The following TSPAN2 variants were observed in gnomAD, a reference collection of about 807,000 sequenced individuals.
TSPAN2 encodes the protein tetraspanin-2.
Under a neutral mutation model 33.3 loss-of-function variants are expected in TSPAN2, and 24 were observed. That is an observed-to-expected ratio of 0.72 (90% CI 0.52 to 1.01). The LOEUF is 1.01. Ranked by LOEUF, TSPAN2 falls within the 50% of genes least tolerant of loss-of-function variation. The pLI is 0.00. For synonymous variants in TSPAN2, 114 were observed against 104.5 expected, an observed-to-expected ratio of 1.09 and a Z score of -0.56; for missense variants, 278 against 281.3, an observed-to-expected ratio of 0.99 and a Z score of 0.08.
At position 115,072,848 on chromosome 1, in the gene TSPAN2, GT is replaced by G. The variant is rs1224335003; in HGVS notation, c.172+56del. The G allele has an allele frequency of 5.6e-6, 8 of 1,436,722 alleles. No homozygotes were observed. The African/African-American group carries it at 9.8e-5, about 18-fold the overall frequency. 89.0% of individuals were successfully genotyped at this position (1,436,722 alleles called of 1,614,324 possible). On this transcript the variant is annotated intron_variant, in intron 2 of 7. Coordinates refer to ENST00000369516, the MANE Select transcript of TSPAN2 (RefSeq NM_005725.6). ...AGTTCAAGTGCAGCTTCTGCTCTAA[GT>G]CTTTGCACAGCCCCATCTACTCTGA...
intron 1 of TSPAN2, 52 bp downstream of exon 1, chr1:115,089,312 G>GGCCCCCCCCCCGCCCCCCCCCC: frequency 7.2e-7 from 1 of 1,389,172 alleles, no homozygotes; most frequent in Non-Finnish European, 9.8e-7. Flanking sequence ...CCGGCCCCGC[G>GGCCCCCCCCCCGCCCCCCCCCC]CCCGCCACCC....
intron 1 of TSPAN2, 77 bp downstream of exon 1, chr1:115,089,287 A>T: frequency 7.5e-7 from 1 of 1,341,078 alleles, no homozygotes; most frequent in Non-Finnish European, 1.0e-6. Context: ...CGCCGCAGTC[A>T]GCAGCTCGGG....
chr1:115,079,591 G>A (rs1386280450), intron 1 of TSPAN2, among the ~76,000 whole-genome samples: 1 of 151,942 alleles, frequency 6.6e-6, no homozygotes, highest in Non-Finnish European at 1.5e-5. Flanking sequence ...CAAAATCAAG[G>A]GTTTTATCAG....
chr1:115,059,189 G>A (rs528617055), intron 4 of TSPAN2, among the ~76,000 whole-genome samples: 35 of 152,178 alleles, frequency 2.3e-4, no homozygotes, highest in African/African-American at 8.2e-4. Flanking sequence ...TACACTGCTC[G>A]GGTGATGGGT....
chr1:115,074,497 T>C (rs1481783481), intron 1 of TSPAN2, among the ~76,000 whole-genome samples: 2 of 151,994 alleles, frequency 1.3e-5, no homozygotes, highest in Non-Finnish European at 2.9e-5. Flanking sequence ...AAAGCACTAA[T>C]TGGATAATGT....
rs569844054 is a variant in TSPAN2, at chr1:115,049,672, G to C, written c.*818C>G. The C allele has an allele frequency of 1.0e-3, 159 of 152,622 alleles. 1 individual carries two copies. Among genetic ancestry groups the C allele is most frequent in the African/African-American group, 3.2e-3 (134 of 41,532 alleles). The allele number at this position is 152,622 out of a possible 1,614,324, so 9.5% of individuals were successfully genotyped here. ...GTGAGGGTTGCAGTAGTTTACAGCA[G>C]GGTCAGAAAATGAAAGTAATAAAGC... On this transcript the variant is annotated 3_prime_UTR_variant, in exon 8 of 8. Transcript: ENST00000369516.
intron 1 of TSPAN2, among the ~76,000 whole-genome samples, chr1:115,074,782 G>A (rs1648336452): frequency 6.6e-6 from 1 of 152,152 alleles, no homozygotes; most frequent in Admixed American, 6.5e-5. Context: ...GTCTTCTTGG[G>A]CCATGCTTTA....
At chr1:115,072,176 G>T (rs1265294355) in intron 2 of TSPAN2, among the ~76,000 whole-genome samples, 2 of 152,248 alleles carry the variant, frequency 1.3e-5, no homozygotes, top group South Asian at 2.1e-4. Context: ...ACAATGCTCA[G>T]CCCCTACTAA....
chr1:115,081,268 G>A (rs974611658), intron 1 of TSPAN2, among the ~76,000 whole-genome samples: 1 of 152,242 alleles, frequency 6.6e-6, no homozygotes, highest in African/African-American at 2.4e-5. Context: ...AGACTCTGGC[G>A]GGAGCAGGGA....
intron 1 of TSPAN2, among the ~76,000 whole-genome samples, chr1:115,074,785 A>G (rs1286364): frequency 0.33 from 50,163 of 151,996 alleles, 8,866 homozygotes; most frequent in African/African-American, 0.42. Flanking sequence ...TTCTTGGGCC[A>G]TGCTTTAACT....
chr1:115,080,447 T>G (rs1325820318), intron 1 of TSPAN2, among the ~76,000 whole-genome samples: 1 of 152,130 alleles, frequency 6.6e-6, no homozygotes, highest in African/African-American at 2.4e-5. Flanking sequence ...TATTTTTTTC[T>G]ATTTTTTGGT....
At chr1:115,076,240 T>C (rs1232790486) in intron 1 of TSPAN2, among the ~76,000 whole-genome samples, 1 of 152,132 alleles carries the variant, frequency 6.6e-6, no homozygotes, top group Non-Finnish European at 1.5e-5. Context: ...GTACAGAGGT[T>C]CATTTCCTTA....
At chr1:115,076,512 C>G (rs549529080) in intron 1 of TSPAN2, among the ~76,000 whole-genome samples, 1 of 152,246 alleles carries the variant, frequency 6.6e-6, no homozygotes, top group Non-Finnish European at 1.5e-5. Context: ...GACAGGACAC[C>G]AGGGGAGTGG....
intron 1 of TSPAN2, among the ~76,000 whole-genome samples, chr1:115,083,743 G>T (rs1294832130): frequency 6.6e-6 from 1 of 152,168 alleles, no homozygotes; most frequent in Non-Finnish European, 1.5e-5. Context: ...ACAGAAGTGG[G>T]AAAGGAAATA....
At chr1:115,071,187 T>A (rs1163884165) in intron 2 of TSPAN2, among the ~76,000 whole-genome samples, 1 of 152,166 alleles carries the variant, frequency 6.6e-6, no homozygotes, top group Admixed American at 6.5e-5. Flanking sequence ...TATCAATTAG[T>A]CAGAGATCCA....
intron 1 of TSPAN2, among the ~76,000 whole-genome samples, chr1:115,081,124 G>T (rs1229254071): frequency 6.6e-6 from 1 of 152,220 alleles, no homozygotes; most frequent in Admixed American, 6.5e-5. Flanking sequence ...TAAGAAGTTA[G>T]CATGGGTGGA....
At position 115,048,746 on chromosome 1, in the gene TSPAN2, T is replaced by G. The variant is rs1307012694; in HGVS notation, c.*1744A>C. 6.6e-6 allele frequency: 1 copy of G among 152,116 alleles called. No homozygotes were observed. The highest frequency in any genetic ancestry group is 2.4e-5 in the African/African-American group (1 of 41,448). 9.4% of individuals were successfully genotyped at this position (152,116 alleles called of 1,614,324 possible). The stretch of plus-strand genomic sequence containing the variant: ...ATTTCTCAACTACTGGGGTACAAAC[T>G]ATATTTCATGAAGTAATTTTTGTAA... On this transcript the variant is annotated 3_prime_UTR_variant, in exon 8 of 8. Transcript: ENST00000369516.
At chr1:115,068,272 C>A (rs1469370980) in intron 2 of TSPAN2, among the ~76,000 whole-genome samples, 1 of 152,192 alleles carries the variant, frequency 6.6e-6, no homozygotes, top group Non-Finnish European at 1.5e-5. Flanking sequence ...TATGTCTGAT[C>A]TTTATCACAG....
At chr1:115,074,215 C>T (rs1028079956) in intron 1 of TSPAN2, among the ~76,000 whole-genome samples, 9 of 152,132 alleles carry the variant, frequency 5.9e-5, no homozygotes, top group South Asian at 4.1e-4. Flanking sequence ...AAGGAAAAAT[C>T]GCACCAGAGA....
Sources: allele counts gnomAD v4.1 joint callset (sites outside exome capture counted in the v4.1 genomes callset), GRCh38; gene constraint gnomAD v4.1.1; transcripts MANE v1.5; gene names NCBI Gene and HGNC (gene_info 2026-07-23, HGNC 2026-07-21).